EYA1: variants seen among roughly 807,000 people sequenced by gnomAD.
EYA1 encodes the protein EYA transcriptional coactivator and phosphatase 1.
A neutral mutation model predicts 82.0 loss-of-function variants in EYA1; 16 were observed. The observed-to-expected ratio is 0.20, with a 90% CI of 0.13 to 0.30. The LOEUF is 0.30. Ranked by LOEUF, EYA1 falls within the 10% of genes least tolerant of loss-of-function variation. EYA1 has a pLI of 1.00. For missense variants in EYA1, 633 were observed against 730.7 expected, an observed-to-expected ratio of 0.87 and a Z score of 1.54; for synonymous variants, 261 against 264.4, an observed-to-expected ratio of 0.99 and a Z score of 0.12.
Position 71,497,960 on chromosome 8 carries a change from A to T in EYA1, c.33+37784T>A, listed in dbSNP as rs987279997. Among the ~76,000 whole-genome samples, 6 of 152,310 alleles carry T rather than the reference A, an allele frequency of 3.9e-5. No homozygotes were observed. In the East Asian group the frequency reaches 5.8e-4, roughly 15 times the overall value. On this transcript the variant is annotated intron_variant, in intron 2 of 18. Transcript: ENST00000643681. ...TTAAATAAACCAGGAGCAGAAAGAT[A>T]AATAGTCCAGATCACTCATATGTGG... is the stretch of plus-strand genomic sequence containing the variant.
At chr8:71,298,961 C>T in intron 9 of EYA1, 86 bp downstream of exon 9, 3 of 1,357,078 alleles carry the variant, frequency 2.2e-6, no homozygotes, top group Non-Finnish European at 3.2e-6. Context: ...AATTGTGCAA[C>T]CACTGCATGA....
intron 2 of EYA1, among the ~76,000 whole-genome samples, chr8:71,476,458 C>T (rs1005581176): frequency 1.3e-5 from 2 of 151,904 alleles, no homozygotes; most frequent in African/African-American, 4.8e-5. Flanking sequence ...ATCAAGAAAA[C>T]AATTTCATTT....
At chr8:71,235,364 A>G (rs1811702075) in intron 12 of EYA1, among the ~76,000 whole-genome samples, 1 of 152,166 alleles carries the variant, frequency 6.6e-6, no homozygotes, top group South Asian at 2.1e-4. Context: ...TCTCAGCCAC[A>G]CTGGGCATCT....
intron 12 of EYA1, among the ~76,000 whole-genome samples, chr8:71,220,112 G>C (rs1809708515): frequency 6.6e-6 from 1 of 152,156 alleles, no homozygotes; most frequent in East Asian, 1.9e-4. Context: ...GACAAAAATG[G>C]AAGCTTAATA....
chr8:71,488,238 A>G (rs1810716132), intron 2 of EYA1, among the ~76,000 whole-genome samples: 1 of 152,084 alleles, frequency 6.6e-6, no homozygotes, highest in African/African-American at 2.4e-5. Flanking sequence ...GGATAAATAT[A>G]CATCATGATA....
At chr8:71,208,051 C>A (rs1475016589) in intron 17 of EYA1, among the ~76,000 whole-genome samples, 1 of 152,148 alleles carries the variant, frequency 6.6e-6, no homozygotes, top group African/African-American at 2.4e-5. Context: ...TGGAAACCCT[C>A]TAAAGACTAT....
chr8:71,206,098 A>G (rs923819985), intron 17 of EYA1, among the ~76,000 whole-genome samples: 2 of 152,248 alleles, frequency 1.3e-5, no homozygotes, highest in Admixed American at 1.3e-4. Flanking sequence ...ATATAGTTAT[A>G]TCTAACTCCT....
intron 2 of EYA1, among the ~76,000 whole-genome samples, chr8:71,521,919 A>C (rs1486678328): frequency 6.6e-6 from 1 of 152,190 alleles, no homozygotes; most frequent in Non-Finnish European, 1.5e-5. Flanking sequence ...AAGAGAAAAG[A>C]AACAGGATAA....
At chr8:71,251,403 A>G (rs1376562043) in intron 11 of EYA1, among the ~76,000 whole-genome samples, 3 of 152,200 alleles carry the variant, frequency 2.0e-5, no homozygotes, top group Admixed American at 6.5e-5. Flanking sequence ...ACAAAACTCA[A>G]TACACAACAT....
At chr8:71,316,398 GA>G (rs1460780970) in intron 7 of EYA1, among the ~76,000 whole-genome samples, 1 of 152,102 alleles carries the variant, frequency 6.6e-6, no homozygotes, top group South Asian at 2.1e-4. Flanking sequence ...AGTCAAGTAA[GA>G]TATACCTATT....
At chr8:71,338,700 A>C (rs887426456) in intron 3 of EYA1, among the ~76,000 whole-genome samples, 3 of 152,248 alleles carry the variant, frequency 2.0e-5, no homozygotes, top group Non-Finnish European at 4.4e-5. Context: ...CCATAAAATA[A>C]GTGGGCTGTT....
At chr8:71,335,758 T>C (rs1824411682) in intron 3 of EYA1, among the ~76,000 whole-genome samples, 1 of 152,024 alleles carries the variant, frequency 6.6e-6, no homozygotes, top group Non-Finnish European at 1.5e-5. Context: ...GTTTCTAAGT[T>C]TCTTACTTAG....
At chr8:71,275,079 A>T (rs554755262) in intron 9 of EYA1, among the ~76,000 whole-genome samples, 1 of 152,212 alleles carries the variant, frequency 6.6e-6, no homozygotes, top group East Asian at 1.9e-4. Context: ...AAAGAATTCA[A>T]CAACGGAGTG....
chr8:71,392,815 G>C (rs187330769), intron 2 of EYA1, among the ~76,000 whole-genome samples: 2 of 151,962 alleles, frequency 1.3e-5, no homozygotes, highest in Admixed American at 1.3e-4. Context: ...TAAATCATAA[G>C]ATAATATTTT....
At chr8:71,221,832 CT>C (rs1456636240) in intron 12 of EYA1, among the ~76,000 whole-genome samples, 1 of 152,166 alleles carries the variant, frequency 6.6e-6, no homozygotes, top group Non-Finnish European at 1.5e-5. Flanking sequence ...AGAGTATGAC[CT>C]TCTGGGGGCA....
intron 2 of EYA1, among the ~76,000 whole-genome samples, chr8:71,464,448 G>T (rs780731084): frequency 6.6e-6 from 1 of 152,128 alleles, no homozygotes; most frequent in Non-Finnish European, 1.5e-5. Context: ...CATCTTCATC[G>T]TTTTCCCCAT....
At chr8:71,353,709 T>C (rs1405672626) in intron 3 of EYA1, among the ~76,000 whole-genome samples, 4 of 152,320 alleles carry the variant, frequency 2.6e-5, no homozygotes, top group Admixed American at 2.6e-4. Context: ...TATTGGAATA[T>C]CACACCAAAA....
rs773097343 is a variant in EYA1 at position 71,317,681 on chromosome 8, A to G, written c.427T>C (p.Trp143Arg). The G allele has an allele frequency of 6.2e-7, 1 of 1,614,118 alleles. No homozygotes were observed. The highest frequency in any genetic ancestry group is 8.5e-7 in the Non-Finnish European group (1 of 1,179,958). ...CCACCTTCAGTCTTGATGCCTGCCCACAATGCACCTAAATCAGTTAGTGAT... is the reference window on the plus strand; with the variant it reads ...CCACCTTCAGTCTTGATGCCTGCCCGCAATGCACCTAAATCAGTTAGTGAT... ...PYGISSYGAL[W>R]AGIKTEGGLS... is the part of the protein sequence containing the mutation. Residue 143 changes from tryptophan (W) to arginine (R), a missense_variant, in exon 7 of 18, where the codon TGG (tryptophan) becomes CGG (arginine). By Grantham distance (101) the Trp-to-Arg change is moderately radical. Transcript: ENST00000340726.
chr8:71,479,447 C>T (rs13439414), intron 2 of EYA1, among the ~76,000 whole-genome samples: 341 of 152,014 alleles, frequency 2.2e-3, no homozygotes, highest in Non-Finnish European at 4.1e-3. Context: ...ATGTAATTTC[C>T]TTACTTATAC....
Sources: gnomAD v4.1 joint callset for allele counts (sites outside exome capture counted in the v4.1 genomes callset) on GRCh38, gnomAD v4.1.1 for gene constraint, MANE v1.5 for transcripts, NCBI Gene and HGNC (gene_info 2026-07-23, HGNC 2026-07-21) for gene names.